The following RNF150 variants were observed in gnomAD, a reference collection of about 807,000 sequenced individuals.
The protein encoded by RNF150 is ring finger protein 150.
RNF150 carries 24 observed loss-of-function variants against 39.3 expected under a neutral mutation model. The ratio of observed to expected loss-of-function variants is 0.61; its 90% CI spans 0.44 to 0.86. RNF150 has a LOEUF of 0.86. RNF150 is among the 40% of genes least tolerant of loss of function. RNF150 has a pLI of 0.00. For synonymous variants in RNF150, 255 were observed against 227.3 expected (o/e 1.12, Z -1.10); for missense variants, 502 against 587.8 (o/e 0.85, Z 1.51).
intron 1 of RNF150, among the ~76,000 whole-genome samples, chr4:141,066,676 T>C (rs1353565499): frequency 1.3e-5 from 2 of 152,178 alleles, no homozygotes; most frequent in African/African-American, 4.8e-5. Flanking sequence ...ACACTAAAGA[T>C]ACACAAAAGC....
At chr4:140,930,268 G>T (rs1048693475) in intron 4 of RNF150, among the ~76,000 whole-genome samples, 1 of 152,192 alleles carries the variant, frequency 6.6e-6, no homozygotes, top group African/African-American at 2.4e-5. Context: ...CGGCTTATAG[G>T]CCTGTCCTGA....
chr4:141,032,732 C>T (rs757166450), intron 1 of RNF150, among the ~76,000 whole-genome samples: 69 of 152,064 alleles, frequency 4.5e-4, no homozygotes, highest in Non-Finnish European at 8.2e-4. Context: ...ACTGTGGATT[C>T]AGTAATAAGG....
chr4:141,140,201 C>A (rs1010222236), intron 1 of RNF150, among the ~76,000 whole-genome samples: 3 of 152,276 alleles, frequency 2.0e-5, no homozygotes, highest in Middle Eastern at 3.4e-3. Context: ...ATATTCACTT[C>A]TTTGCTCTTT....
chr4:141,175,500 C>A (rs1282446174), intron 1 of RNF150, among the ~76,000 whole-genome samples: 1 of 152,106 alleles, frequency 6.6e-6, no homozygotes, highest in Admixed American at 6.5e-5. Flanking sequence ...GTGGTCGTAA[C>A]ATCCAAAGAA....
chr4:141,053,702 T>C, intron 1 of RNF150: 1 of 1,417,496 alleles, frequency 7.1e-7, no homozygotes. Flanking sequence ...GAAATCAGCT[T>C]CAGGGGCTGG....
chr4:140,932,370 C>T (rs1022661588), intron 4 of RNF150, among the ~76,000 whole-genome samples: 1 of 152,188 alleles, frequency 6.6e-6, no homozygotes, highest in Admixed American at 6.5e-5. Flanking sequence ...ATGTTACATA[C>T]ATAATTAAAT....
chr4:140,868,076 G>A lies in RNF150; in HGVS notation c.*185C>T, dbSNP rs963192041. 10 of 541,992 alleles carry A rather than the reference G, an allele frequency of 1.8e-5. No homozygotes were observed. Among genetic ancestry groups the A allele is most frequent in the African/African-American group, 5.8e-5 (3 of 51,940 alleles). The allele number at this position is 541,992 out of a possible 1,614,324, so 33.6% of individuals were successfully genotyped here. On this transcript the variant is annotated 3_prime_UTR_variant, in exon 7 of 7. Coordinates refer to ENST00000515673, the MANE Select transcript of RNF150 (RefSeq NM_020724.2). ...TGCCAAGGCCACAGACTGCCATACC[G>A]ATGGAGAAACTGCATCCTGATTGAC... is the stretch of plus-strand genomic sequence containing the variant.
chr4:141,191,732 C>A (rs1489855111), intron 1 of RNF150, among the ~76,000 whole-genome samples: 1 of 152,188 alleles, frequency 6.6e-6, no homozygotes, highest in Non-Finnish European at 1.5e-5. Context: ...TCTGCACACA[C>A]AATGCTCTTT....
intron 1 of RNF150, among the ~76,000 whole-genome samples, chr4:141,097,917 T>C (rs1738860540): frequency 6.6e-6 from 1 of 152,136 alleles, no homozygotes; most frequent in Non-Finnish European, 1.5e-5. Flanking sequence ...TTCCTTGAGA[T>C]TTGAGACAAA....
chr4:140,929,929 G>C (rs66642023), intron 4 of RNF150, among the ~76,000 whole-genome samples: 4 of 151,868 alleles, frequency 2.6e-5, no homozygotes, highest in African/African-American at 7.3e-5. Flanking sequence ...CAAGGCAGGC[G>C]GCAGGCAAAT....
chr4:140,923,949 C>T (rs558324742), intron 5 of RNF150, among the ~76,000 whole-genome samples: 8 of 149,634 alleles, frequency 5.3e-5, no homozygotes, highest in Non-Finnish European at 8.9e-5. Context: ...GGAAGGGGAA[C>T]ATCACACACT....
chr4:141,093,001 T>C (rs1738646144), intron 1 of RNF150, among the ~76,000 whole-genome samples: 1 of 152,100 alleles, frequency 6.6e-6, no homozygotes, highest in South Asian at 2.1e-4. Context: ...CTACTACTCC[T>C]AGTGGCCTTG....
At chr4:141,175,720 C>G (rs747366167) in intron 1 of RNF150, among the ~76,000 whole-genome samples, 1 of 152,168 alleles carries the variant, frequency 6.6e-6, no homozygotes, top group African/African-American at 2.4e-5. Context: ...AGCTTATAAA[C>G]AACAGAAATC....
At chr4:141,060,490 T>A (rs1394855277) in intron 1 of RNF150, among the ~76,000 whole-genome samples, 1 of 152,126 alleles carries the variant, frequency 6.6e-6, no homozygotes, top group Non-Finnish European at 1.5e-5. Context: ...TATTTTGGCT[T>A]CCAAGATTCT....
intron 1 of RNF150, among the ~76,000 whole-genome samples, chr4:140,969,631 T>C (rs1325347741): frequency 6.6e-6 from 1 of 152,048 alleles, no homozygotes. Context: ...TTTCATTTCA[T>C]TTATTCCCTT....
intron 1 of RNF150, among the ~76,000 whole-genome samples, chr4:141,162,235 T>C (rs1727526374): frequency 6.6e-6 from 1 of 152,210 alleles, no homozygotes; most frequent in Admixed American, 6.5e-5. Context: ...ATGTGAGATA[T>C]GGAGTCAAAG....
In RNF150 at chr4:140,859,910, T is replaced by G. The variant is rs1728412359; in HGVS notation, c.*8351A>C. 1 of 152,212 alleles carries G rather than the reference T, an allele frequency of 6.6e-6. No individual in the cohort carries two copies. The highest frequency in any genetic ancestry group is 6.5e-5 in the Admixed American group (1 of 15,276). 9.4% of individuals were successfully genotyped at this position (152,212 alleles called of 1,614,324 possible). A position where few individuals can be genotyped will look rare whatever the true frequency, so the allele number is the denominator to read the frequency against. On this transcript the variant is annotated 3_prime_UTR_variant, in exon 7 of 7. Transcript: ENST00000515673. ...AAAATCCTTATAGTTGCAATATTTT[T>G]TTTTTAGCCAGTACGTAAGAACACG...
intron 1 of RNF150, among the ~76,000 whole-genome samples, chr4:141,112,274 G>C (rs1246870307): frequency 6.6e-6 from 1 of 152,186 alleles, no homozygotes; most frequent in Non-Finnish European, 1.5e-5. Flanking sequence ...TCATTATGAT[G>C]ATAGCTGGTT....
At chr4:140,921,436 A>C (rs2111307281) in intron 5 of RNF150, among the ~76,000 whole-genome samples, 1 of 152,296 alleles carries the variant, frequency 6.6e-6, no homozygotes, top group East Asian at 1.9e-4. Flanking sequence ...TGAATCTCTG[A>C]ATAGACCAAT....
Sources: gnomAD v4.1 joint callset for allele counts (sites outside exome capture counted in the v4.1 genomes callset) on GRCh38, gnomAD v4.1.1 for gene constraint, MANE v1.5 for transcripts, NCBI Gene and HGNC (gene_info 2026-07-23, HGNC 2026-07-21) for gene names.